Variants in SHISAL1 observed in about 807,000 individuals in gnomAD.
The protein encoded by SHISAL1 is shisa like 1, also known as protein shisa-like-1.
In SHISAL1, 9 loss-of-function variants were observed where a neutral mutation model predicts 22.6. That is an observed-to-expected ratio of 0.40 (90% CI 0.24 to 0.70). The LOEUF (loss-of-function observed/expected upper bound fraction) is 0.70. SHISAL1 is among the 30% of genes least tolerant of loss of function. The probability of loss-of-function intolerance (pLI) is 0.39; values close to 1 mark genes in which losing one functional copy is unlikely to be tolerated. For missense variants in SHISAL1, 246 were observed against 270.6 expected (o/e 0.91, Z 0.64); for synonymous variants, 119 against 115.4 (o/e 1.03, Z -0.20).
intron 3 of SHISAL1, among the ~76,000 whole-genome samples, chr22:44,291,455 T>C (rs1437181892): frequency 6.6e-6 from 1 of 152,166 alleles, no homozygotes; most frequent in Non-Finnish European, 1.5e-5. Context: ...ACGGGGCTAG[T>C]GGAAGGTCCT....
At chr22:44,307,144 T>C (rs1047005677) in intron 1 of SHISAL1, among the ~76,000 whole-genome samples, 1 of 152,174 alleles carries the variant, frequency 6.6e-6, no homozygotes, top group Non-Finnish European at 1.5e-5. Flanking sequence ...TCCGCCGTCC[T>C]CCATCCTCCT....
intron 4 of SHISAL1, among the ~76,000 whole-genome samples, chr22:44,267,949 G>T (rs757879635): frequency 5.3e-5 from 8 of 152,244 alleles, no homozygotes; most frequent in Admixed American, 5.2e-4. Context: ...GGGAGTCTCC[G>T]AAGGGCTGGG....
intron 4 of SHISAL1, among the ~76,000 whole-genome samples, chr22:44,261,001 G>A (rs1339006243): frequency 6.6e-6 from 1 of 150,810 alleles, no homozygotes; most frequent in East Asian, 2.0e-4. Flanking sequence ...ACTGGGGCAT[G>A]CTGAGGGCCT....
At chr22:44,274,228 C>T (rs571131439) in intron 4 of SHISAL1, among the ~76,000 whole-genome samples, 29 of 152,102 alleles carry the variant, frequency 1.9e-4, no homozygotes, top group African/African-American at 3.1e-4. Flanking sequence ...CCAGCCTGGG[C>T]GACAGAATGA....
chr22:44,327,864 C>T, the SHISAL1 span, among the ~76,000 whole-genome samples: 1 of 152,110 alleles, frequency 6.6e-6, no homozygotes, highest in Non-Finnish European at 1.5e-5. Flanking sequence ...CAGAACTCTG[C>T]CTGTTTAGTG....
At chr22:44,281,851 ATTGCACCACTCCTGACGCCC>A (rs2055278981) in intron 4 of SHISAL1, among the ~76,000 whole-genome samples, 1 of 152,132 alleles carries the variant, frequency 6.6e-6, no homozygotes, top group African/African-American at 2.4e-5. Context: ...CATTGTGACC[ATTGCACCACTCCTGACGCCC>A]CTGCTGGCTC....
chr22:44,252,730 C>T (rs2055056871), intron 4 of SHISAL1, among the ~76,000 whole-genome samples: 1 of 151,714 alleles, frequency 6.6e-6, no homozygotes, highest in African/African-American at 2.4e-5. Flanking sequence ...CGTGGTGGCT[C>T]ACACCTGTAA....
At chr22:44,302,244 G>A (rs2055435232) in intron 1 of SHISAL1, among the ~76,000 whole-genome samples, 1 of 151,674 alleles carries the variant, frequency 6.6e-6, no homozygotes, top group Non-Finnish European at 1.5e-5. Flanking sequence ...GGAGGCCAAG[G>A]CGGGAGAACA....
the SHISAL1 span, among the ~76,000 whole-genome samples, chr22:44,328,272 A>G: frequency 2.6e-5 from 4 of 151,994 alleles, no homozygotes; most frequent in Admixed American, 6.5e-5. Flanking sequence ...AGTGGTTGGG[A>G]GCCTGGTCCT....
chr22:44,303,890 T>G (rs972226337), intron 1 of SHISAL1, among the ~76,000 whole-genome samples: 3 of 144,618 alleles, frequency 2.1e-5, no homozygotes, highest in African/African-American at 7.5e-5. Context: ...CTCCACCATC[T>G]GCAGAGCAGA....
At chr22:44,282,423 C>A (rs564841652) in intron 4 of SHISAL1, among the ~76,000 whole-genome samples, 3 of 152,244 alleles carry the variant, frequency 2.0e-5, no homozygotes, top group African/African-American at 7.2e-5. Flanking sequence ...CTCTGTCCCC[C>A]CTGCGGTGGT....
chr22:44,297,313 G>A (rs184146856), intron 2 of SHISAL1, among the ~76,000 whole-genome samples: 2 of 152,330 alleles, frequency 1.3e-5, no homozygotes, highest in Admixed American at 6.5e-5. Flanking sequence ...GATAAGTGTT[G>A]GAGGGACAGG....
intron 4 of SHISAL1, among the ~76,000 whole-genome samples, chr22:44,266,422 GCTGT>G (rs1260301719): frequency 6.9e-6 from 1 of 145,504 alleles, no homozygotes; most frequent in African/African-American, 2.6e-5. Flanking sequence ...TTGTTGGGGG[GCTGT>G]GTGTGTGTTG....
At chr22:44,272,328 ACATTGATT>A (rs1410018851) in intron 4 of SHISAL1, among the ~76,000 whole-genome samples, 1 of 152,182 alleles carries the variant, frequency 6.6e-6, no homozygotes, top group African/African-American at 2.4e-5. Flanking sequence ...TTGGCTGAAG[ACATTGATT>A]TTTCCAAGCA....
chr22:44,302,122 C>T (rs967951722), intron 1 of SHISAL1, among the ~76,000 whole-genome samples: 12 of 152,140 alleles, frequency 7.9e-5, no homozygotes, highest in Non-Finnish European at 1.6e-4. Flanking sequence ...TGGCGGATCA[C>T]CTGAGGTCAG....
chr22:44,307,882 G>A (rs1221004771), intron 1 of SHISAL1, among the ~76,000 whole-genome samples: 2 of 152,196 alleles, frequency 1.3e-5, no homozygotes, highest in African/African-American at 4.8e-5. Context: ...ATGGCCTGCG[G>A]GGAGGGGCTG....
At chr22:44,291,706 G>C (rs2055353675) in intron 3 of SHISAL1, among the ~76,000 whole-genome samples, 1 of 152,122 alleles carries the variant, frequency 6.6e-6, no homozygotes, top group East Asian at 1.9e-4. Flanking sequence ...CATCTGCCTG[G>C]TGAAGGAATG....
chr22:44,323,081 CCCATCCAT>C, the SHISAL1 span, among the ~76,000 whole-genome samples: 2 of 129,244 alleles, frequency 1.5e-5, no homozygotes, highest in South Asian at 3.0e-4. Flanking sequence ...CACCCATCCA[CCCATCCAT>C]CCATCCATCC....
the SHISAL1 span, among the ~76,000 whole-genome samples, chr22:44,319,295 C>T: frequency 1.8e-4 from 28 of 152,374 alleles, no homozygotes; most frequent in South Asian, 6.2e-4. Flanking sequence ...AACACAGCCT[C>T]GGAGAGATTG....
Sources: gnomAD v4.1 joint callset for allele counts (sites outside exome capture counted in the v4.1 genomes callset) on GRCh38, gnomAD v4.1.1 for gene constraint, MANE v1.5 for transcripts, NCBI Gene and HGNC (gene_info 2026-07-23, HGNC 2026-07-21) for gene names.